PCDHA2: variants seen among roughly 807,000 people sequenced by gnomAD.
PCDHA2 encodes the protein protocadherin alpha-2.
Under a neutral mutation model 66.0 loss-of-function variants are expected in PCDHA2, and 58 were observed. The ratio of observed to expected loss-of-function variants is 0.88; its 90% CI spans 0.71 to 1.09. The LOEUF is 1.09. Ranked by LOEUF, PCDHA2 falls within the 50% of genes least tolerant of loss-of-function variation. The pLI, the probability that PCDHA2 is intolerant of heterozygous loss-of-function variation, is 0.00. For missense variants in PCDHA2, 1,267 were observed against 1,242.3 expected, an observed-to-expected ratio of 1.02 and a Z score of -0.30; for synonymous variants, 634 against 554.0, an observed-to-expected ratio of 1.14 and a Z score of -2.03.
At chr5:140,834,215 T>A (rs1425160106) in intron 1 of PCDHA2, 2 of 654,798 alleles carry the variant, frequency 3.1e-6, no homozygotes, top group Non-Finnish European at 5.1e-6. Flanking sequence ...TCTTTCGTAA[T>A]CAGCAAAAGG....
At chr5:140,918,584 A>G (rs1296882763) in intron 1 of PCDHA2, among the ~76,000 whole-genome samples, 1 of 152,212 alleles carries the variant, frequency 6.6e-6, no homozygotes, top group Non-Finnish European at 1.5e-5. Context: ...TATTGGCTAT[A>G]TGTTCTATAG....
At chr5:141,003,052 A>G (rs782531629) in intron 3 of PCDHA2, among the ~76,000 whole-genome samples, 17 of 152,230 alleles carry the variant, frequency 1.1e-4, no homozygotes, top group Non-Finnish European at 1.9e-4. Context: ...CCTTAACAGA[A>G]CAGTTCCAAA....
At chr5:140,986,696 C>G (rs2097209947) in intron 3 of PCDHA2, among the ~76,000 whole-genome samples, 2 of 152,130 alleles carry the variant, frequency 1.3e-5, no homozygotes, top group South Asian at 2.1e-4. Context: ...TCAAAACACA[C>G]AGCACTGCAG....
chr5:140,966,259 G>A (rs1358322921), intron 1 of PCDHA2: 1 of 340,612 alleles, frequency 2.9e-6, no homozygotes, highest in Non-Finnish European at 5.3e-6. Context: ...AGACGGTGGA[G>A]ACTGGATGAA....
At chr5:140,807,339 A>C in intron 1 of PCDHA2, 7 of 1,613,222 alleles carry the variant, frequency 4.3e-6, no homozygotes, top group African/African-American at 1.3e-5. Context: ...ATCGCGCAGG[A>C]CCTGGGACTG....
intron 1 of PCDHA2, chr5:140,864,049 A>G (rs2048299792): frequency 6.5e-6 from 1 of 152,910 alleles, no homozygotes; most frequent in Non-Finnish European, 1.5e-5. Flanking sequence ...ACTTTTTACT[A>G]CAGTCACCAT....
intron 1 of PCDHA2, chr5:140,881,244 C>A (rs1219638908): frequency 4.8e-5 from 19 of 396,890 alleles, no homozygotes; most frequent in Non-Finnish European, 6.2e-5. Context: ...ATTTAAATGA[C>A]GGCAAGGTTT....
rs2150220578 is a variant in PCDHA2 at position 140,834,540 on chromosome 5, G to A, written c.2388+37188G>A. ...CGTGGGCCGCATCGCGCAGGACCTG[G>A]GGCTGGAGCTGGCGGAGCTGGTGCC... On this transcript the variant is annotated intron_variant, in intron 1 of 3. Transcript: ENST00000526136. The A allele has an allele frequency of 7.4e-6, 12 of 1,614,082 alleles. No individual in the cohort carries two copies. The Admixed American group carries it at 1.0e-4, about 13-fold the overall frequency.
chr5:140,857,234 C>T (rs781784109), intron 1 of PCDHA2: 2 of 1,598,590 alleles, frequency 1.3e-6, no homozygotes, highest in South Asian at 1.1e-5. Context: ...TCCGTTCAAG[C>T]TGGTGTCCAC....
At chr5:140,989,171 G>A (rs2097331816) in intron 3 of PCDHA2, among the ~76,000 whole-genome samples, 1 of 152,116 alleles carries the variant, frequency 6.6e-6, no homozygotes, top group African/African-American at 2.4e-5. Flanking sequence ...GCATAAAACA[G>A]GAGAGTTTCT....
chr5:140,907,697 C>T (rs1425951971), intron 1 of PCDHA2, among the ~76,000 whole-genome samples: 2 of 152,202 alleles, frequency 1.3e-5, no homozygotes, highest in African/African-American at 2.4e-5. Context: ...GTGGAAGTCC[C>T]TGTTGCTGAG....
At chr5:140,867,729 A>C (rs1274161997) in intron 1 of PCDHA2, 1 of 152,106 alleles carries the variant, frequency 6.6e-6, no homozygotes, top group Non-Finnish European at 1.5e-5. Context: ...AAAGACAAAG[A>C]AAATTCAAGC....
chr5:140,871,452 G>A (rs1207559291), intron 1 of PCDHA2: 2 of 1,608,490 alleles, frequency 1.2e-6, no homozygotes, highest in East Asian at 2.2e-5. Context: ...ATAAAGAGGA[G>A]GAAGGGGAAA....
At chr5:140,889,946 C>T (rs1554184112) in intron 1 of PCDHA2, among the ~76,000 whole-genome samples, 1 of 152,114 alleles carries the variant, frequency 6.6e-6, no homozygotes, top group East Asian at 1.9e-4. Flanking sequence ...TGTGAGAAGC[C>T]AAATGGATAG....
intron 1 of PCDHA2, among the ~76,000 whole-genome samples, chr5:140,838,236 C>G (rs2150286202): frequency 6.6e-6 from 1 of 150,998 alleles, no homozygotes; most frequent in East Asian, 1.9e-4. Context: ...GCCTCAGTCT[C>G]CCAAGTAGCT....
At chr5:141,007,839 A>C (rs782046722) in intron 3 of PCDHA2, among the ~76,000 whole-genome samples, 2 of 152,226 alleles carry the variant, frequency 1.3e-5, no homozygotes, top group Non-Finnish European at 2.9e-5. Context: ...TACCCATTAG[A>C]GACTCAAAGT....
chr5:140,885,229 C>A (rs1410460890), intron 1 of PCDHA2, among the ~76,000 whole-genome samples: 2 of 151,932 alleles, frequency 1.3e-5, no homozygotes, highest in African/African-American at 4.8e-5. Context: ...TGTGATTCTG[C>A]TTTCAATTTT....
At position 140,863,376 on chromosome 5, in the gene PCDHA2, C is replaced by A. The variant is rs781824830; in HGVS notation, c.2388+66024C>A. The A allele has an allele frequency of 5.3e-6, 6 of 1,123,238 alleles. No individual in the cohort carries two copies. The Admixed American group carries it at 5.5e-5, about 10-fold the overall frequency. 69.6% of individuals were successfully genotyped at this position (1,123,238 alleles called of 1,614,324 possible). On this transcript the variant is annotated intron_variant, in intron 1 of 3. Transcript: ENST00000526136. ...CGCTGCGGTGCTTGGCGCAGCTCAC[C>A]GAGAGCTCGTGCATGCCGGGCAAGC... is the stretch of plus-strand genomic sequence containing the variant.
intron 1 of PCDHA2, chr5:140,829,946 C>G: frequency 2.5e-6 from 4 of 1,613,986 alleles, no homozygotes; most frequent in Non-Finnish European, 3.4e-6. Flanking sequence ...AAGCAGCGCT[C>G]GCTTCCCGTT....
Sources: gnomAD v4.1 joint callset for allele counts (sites outside exome capture counted in the v4.1 genomes callset) on GRCh38, gnomAD v4.1.1 for gene constraint, MANE v1.5 for transcripts, NCBI Gene and HGNC (gene_info 2026-07-23, HGNC 2026-07-21) for gene names.